The following STX8 variants were observed in gnomAD, a reference collection of about 807,000 sequenced individuals.
STX8 encodes the protein syntaxin-8.
STX8 carries 23 observed loss-of-function variants against 37.5 expected under a neutral mutation model. The observed-to-expected ratio is 0.61, with a 90% confidence interval of 0.44 to 0.87. The LOEUF is 0.87. Among genes scored for constraint, STX8 ranks in the 40% least tolerant of loss-of-function variants. The pLI, the probability that STX8 is intolerant of heterozygous loss-of-function variation, is 0.00. For synonymous variants in STX8, 115 were observed against 99.1 expected (o/e 1.16, Z -0.95); for missense variants, 313 against 284.7 (o/e 1.10, Z -0.71).
At chr17:9,360,914 G>T (rs1308201091) in intron 7 of STX8, among the ~76,000 whole-genome samples, 5 of 152,160 alleles carry the variant, frequency 3.3e-5, no homozygotes, top group Non-Finnish European at 7.3e-5. Context: ...GAGACCCGCG[G>T]TGCCGGCTAC....
At chr17:9,545,351 A>G (rs746362935) in intron 3 of STX8, 69 bp from the exon 4 acceptor site, 27 of 1,143,862 alleles carry the variant, frequency 2.4e-5, no homozygotes, top group Non-Finnish European at 3.4e-5. Context: ...TTATTAAGTT[A>G]GCTCTTCAAG....
chr17:9,333,722 A>G (rs1158549794), intron 7 of STX8, among the ~76,000 whole-genome samples: 2 of 152,132 alleles, frequency 1.3e-5, no homozygotes, highest in Non-Finnish European at 2.9e-5. Flanking sequence ...TGCTTCAAGC[A>G]GGAGGTCATG....
chr17:9,274,111 T>C (rs1044833959), intron 7 of STX8, among the ~76,000 whole-genome samples: 4 of 152,178 alleles, frequency 2.6e-5, no homozygotes, highest in African/African-American at 9.7e-5. Flanking sequence ...CATTTTCTTA[T>C]GAAAAGTGTC....
chr17:9,514,463 G>A (rs1330920995), intron 4 of STX8, among the ~76,000 whole-genome samples: 5 of 152,062 alleles, frequency 3.3e-5, no homozygotes, highest in Non-Finnish European at 5.9e-5. Context: ...AAATTAGCTA[G>A]GCATGGTGGC....
chr17:9,468,580 C>A (rs1386129570), intron 6 of STX8, among the ~76,000 whole-genome samples: 1 of 152,146 alleles, frequency 6.6e-6, no homozygotes, highest in East Asian at 1.9e-4. Flanking sequence ...GATCAATATC[C>A]CACGTGTGGC....
chr17:9,482,388 T>C (rs922601302), intron 6 of STX8, among the ~76,000 whole-genome samples: 3 of 152,086 alleles, frequency 2.0e-5, no homozygotes, highest in African/African-American at 7.2e-5. Context: ...CAATGAAATA[T>C]ACAACTATTA....
intron 7 of STX8, among the ~76,000 whole-genome samples, chr17:9,253,207 G>GGT (rs36048368): frequency 0.12 from 17,117 of 140,948 alleles, 1,041 homozygotes; most frequent in African/African-American, 0.15. Context: ...CAGGGGTAGG[G>GGT]GTGTGTGTGT....
At chr17:9,409,523 AT>A (rs1339006869) in intron 6 of STX8, among the ~76,000 whole-genome samples, 1 of 152,156 alleles carries the variant, frequency 6.6e-6, no homozygotes, top group African/African-American at 2.4e-5. Flanking sequence ...GTTGTACTTA[AT>A]TGAATAATTT....
intron 6 of STX8, among the ~76,000 whole-genome samples, chr17:9,412,897 A>G (rs187902582): frequency 2.0e-5 from 3 of 152,330 alleles, no homozygotes; most frequent in Admixed American, 6.5e-5. Context: ...AAGTAGAGAA[A>G]GGACGTAATC....
chr17:9,559,280 G>A (rs1338452882), intron 2 of STX8, among the ~76,000 whole-genome samples: 1 of 152,068 alleles, frequency 6.6e-6, no homozygotes, highest in Non-Finnish European at 1.5e-5. Flanking sequence ...CACTGACAGA[G>A]ATAACCACAT....
rs534457804 is a variant in STX8, at chr17:9,526,258, C to T, written c.323+18914G>A. ...CTCTCTTCCATTGATTCACCATGGG[C>T]ACAACGACTTCTCTAAGAATCAGTC... is the stretch of plus-strand genomic sequence containing the variant. On this transcript the variant is annotated intron_variant, in intron 4 of 7. Coordinates refer to ENST00000306357, the MANE Select transcript of STX8 (RefSeq NM_004853.3). 4.6e-5 allele frequency among the ~76,000 whole-genome samples: 7 copies of T among 152,282 alleles called. No homozygotes were observed. In the South Asian group the frequency reaches 6.2e-4, roughly 14 times the overall value.
At chr17:9,371,455 T>C (rs187569282) in intron 7 of STX8, among the ~76,000 whole-genome samples, 121 of 152,328 alleles carry the variant, frequency 7.9e-4, no homozygotes, top group African/African-American at 2.6e-3. Context: ...TGTGTTCATA[T>C]ATAAAACAGC....
chr17:9,422,068 C>A (rs1218395382), intron 6 of STX8, among the ~76,000 whole-genome samples: 1 of 151,990 alleles, frequency 6.6e-6, no homozygotes, highest in Non-Finnish European at 1.5e-5. Flanking sequence ...CCCAATCAAA[C>A]CCCTTTTCTT....
At chr17:9,429,364 A>T (rs1315805564) in intron 6 of STX8, among the ~76,000 whole-genome samples, 1 of 144,932 alleles carries the variant, frequency 6.9e-6, no homozygotes, top group Non-Finnish European at 1.5e-5. Context: ...ATATATAATA[A>T]ATATTTATAT....
intron 6 of STX8, among the ~76,000 whole-genome samples, chr17:9,433,340 C>T (rs934910259): frequency 6.6e-6 from 1 of 152,194 alleles, no homozygotes; most frequent in African/African-American, 2.4e-5. Context: ...ATTTCCACTT[C>T]ATAGCTTTGT....
At chr17:9,523,167 C>T (rs1444164654) in intron 4 of STX8, among the ~76,000 whole-genome samples, 2 of 151,620 alleles carry the variant, frequency 1.3e-5, no homozygotes, top group African/African-American at 4.9e-5. Context: ...AAAAAATTAG[C>T]CAGGCATGGT....
chr17:9,545,264 G>A lies in STX8; in HGVS notation c.231C>T (p.Asp77=), dbSNP rs1207918669. ...STHQITQLEG[D]RRQNLLDDLV... The stretch of plus-strand genomic sequence containing the variant: ...GATCATCCAAGAGGTTCTGTCTTCG[G>A]TCCCCTTCAAGCTGTGTTCTGCAGA... The change falls in exon 4 of 8, where the codon GAC becomes GAT. Residue 77 remains aspartate, a synonymous_variant. Coordinates refer to ENST00000306357, the MANE Select transcript of STX8 (RefSeq NM_004853.3). 6.2e-7 allele frequency: 1 copy of A among 1,613,938 alleles called. No individual in the cohort carries two copies. Among genetic ancestry groups the A allele is most frequent in the South Asian group, 1.1e-5 (1 of 91,042 alleles).
intron 7 of STX8, among the ~76,000 whole-genome samples, chr17:9,316,533 G>T (rs1198298320): frequency 2.0e-5 from 3 of 152,178 alleles, no homozygotes. Context: ...ACAGCTTCCA[G>T]GCTGCTGACC....
chr17:9,262,213 C>T (rs1172666481), intron 7 of STX8, among the ~76,000 whole-genome samples: 7 of 151,840 alleles, frequency 4.6e-5, no homozygotes, highest in East Asian at 1.9e-4. Flanking sequence ...TTGAGCCCTG[C>T]GTTCCATACA....
Sources: allele counts gnomAD v4.1 joint callset (sites outside exome capture counted in the v4.1 genomes callset), GRCh38; gene constraint gnomAD v4.1.1; transcripts MANE v1.5; gene names NCBI Gene and HGNC (gene_info 2026-07-23, HGNC 2026-07-21).